The following SERGEF variants were observed in gnomAD, a reference collection of about 807,000 sequenced individuals.
SERGEF encodes secretion regulating guanine nucleotide exchange factor.
In SERGEF, 51 loss-of-function variants were observed where a neutral mutation model predicts 50.0. The observed-to-expected ratio is 1.02, with a 90% CI of 0.81 to 1.29. SERGEF has a LOEUF of 1.29. SERGEF is among the 50% of genes most tolerant of loss of function. The pLI, the probability that SERGEF is intolerant of heterozygous loss-of-function variation, is 0.00. For synonymous variants in SERGEF, 205 were observed against 212.4 expected, an observed-to-expected ratio of 0.97 and a Z score of 0.30; for missense variants, 521 against 557.0, an observed-to-expected ratio of 0.94 and a Z score of 0.65.
In SERGEF at chr11:17,910,460, G is replaced by A. The variant is rs150817590; in HGVS notation, c.1012-32216C>T. Among the ~76,000 whole-genome samples, 267 of 152,156 alleles carry A rather than the reference G, an allele frequency of 1.8e-3. 1 individual carries two copies. Among genetic ancestry groups the A allele is most frequent in the African/African-American group, 6.4e-3 (266 of 41,506 alleles). ...AGAGATGGAGTCTTGTTATGTTGTCGAGGCTGGTCTTAAATTCCTGGCTTC... is the reference window on the plus strand; with the variant it reads ...AGAGATGGAGTCTTGTTATGTTGTCAAGGCTGGTCTTAAATTCCTGGCTTC... On this transcript the variant is annotated intron_variant, in intron 9 of 10. Transcript: ENST00000265965.
In SERGEF at chr11:17,998,508, T is replaced by TTA. The variant is rs1342168950; in HGVS notation, c.508+1987_508+1988dup. ...ATATATGCATGTGTGAGTGTGTGTG[T>TTA]TATATATATATATGTTTATATGTGT... On this transcript the variant is annotated intron_variant, in intron 5 of 10. Coordinates refer to ENST00000265965, the MANE Select transcript of SERGEF (RefSeq NM_012139.4). Among the ~76,000 whole-genome samples, 267 of 86,750 alleles carry TTA rather than the reference T, an allele frequency of 3.1e-3. 5 individuals carry two copies. The highest frequency in any genetic ancestry group is 4.3e-3 in the Non-Finnish European group (197 of 45,570). The allele number at this position is 86,750 out of a possible 152,430, so 56.9% of individuals were successfully genotyped here. A position where few individuals can be genotyped will look rare whatever the true frequency, so the allele number is the denominator to read the frequency against.
At position 17,830,235 on chromosome 11, in the gene SERGEF, CATAT is replaced by C. The variant is rs1363518676; in HGVS notation, c.1049-41826_1049-41823del. Among the ~76,000 whole-genome samples the C allele has an allele frequency of 2.0e-5, 3 of 152,194 alleles. No homozygotes were observed. The East Asian group carries it at 5.8e-4, about 29-fold the overall frequency. On this transcript the variant is annotated intron_variant, in intron 10 of 10. Transcript: ENST00000265965. ...CTCAGCCTGGCATAGTGCCCTGGCA[CATAT>C]TAGGCACTCAGTGAATAATGCTGAT...
chr11:17,878,227 C>T lies in SERGEF; in HGVS notation c.1029G>A (p.Glu343=), dbSNP rs1181240894. 1 of 1,579,138 alleles carries T rather than the reference C, an allele frequency of 6.3e-7. No homozygotes were observed. The highest frequency in any genetic ancestry group is 8.7e-7 in the Non-Finnish European group (1 of 1,154,888). Residue 343 remains glutamate (E), a synonymous_variant, in exon 10 of 11, where the codon GAG becomes GAA. Coordinates refer to ENST00000265965, the MANE Select transcript of SERGEF (RefSeq NM_012139.4). The part of the protein sequence containing the change: ...TGATEVSCGS[E]HNLAIIGGVC... ...ACTTACCAATTATTGCCAAATTATGCTCTGAGCCACAAGAGACCTGTAAAA... is the reference window on the plus strand; with the variant it reads ...ACTTACCAATTATTGCCAAATTATGTTCTGAGCCACAAGAGACCTGTAAAA...
intron 9 of SERGEF, among the ~76,000 whole-genome samples, chr11:17,886,874 TG>T (rs973694120): frequency 7.9e-5 from 12 of 152,196 alleles, no homozygotes; most frequent in Non-Finnish European, 1.5e-4. Context: ...TCCTGCTTCC[TG>T]GGGCCAAACC....
intron 9 of SERGEF, among the ~76,000 whole-genome samples, chr11:17,956,691 T>G (rs1156325890): frequency 6.6e-6 from 1 of 152,010 alleles, no homozygotes; most frequent in Non-Finnish European, 1.5e-5. Context: ...ACCAGACAAT[T>G]CACTCCTCCT....
At chr11:18,007,808 T>C in intron 2 of SERGEF, 133 bp downstream of exon 2, 1 of 964,974 alleles carries the variant, frequency 1.0e-6, no homozygotes, top group Non-Finnish European at 1.5e-6. Flanking sequence ...TTTGGCTCTT[T>C]CACAAAAATG....
chr11:18,012,650 C>G (rs375597587), intron 1 of SERGEF: 1 of 1,182,452 alleles, frequency 8.5e-7, no homozygotes, highest in African/African-American at 1.6e-5. Flanking sequence ...GCTATTCGGG[C>G]TGGAGGGCTC....
intron 1 of SERGEF, chr11:18,010,233 T>C (rs1293866788): frequency 2.2e-6 from 1 of 452,456 alleles, no homozygotes; most frequent in African/African-American, 2.0e-5. Context: ...TGTAGTCTAT[T>C]TCACAGCCAT....
chr11:17,848,566 G>A (rs1850656466), intron 10 of SERGEF, among the ~76,000 whole-genome samples: 1 of 152,114 alleles, frequency 6.6e-6, no homozygotes, highest in African/African-American at 2.4e-5. Context: ...TTTTTCATAT[G>A]TGCCTTTTTG....
At chr11:17,816,814 G>T (rs778908850) in intron 10 of SERGEF, among the ~76,000 whole-genome samples, 7 of 152,176 alleles carry the variant, frequency 4.6e-5, no homozygotes, top group Non-Finnish European at 8.8e-5. Context: ...TTCATTTCTG[G>T]GTTCTGGTCT....
At chr11:17,922,682 T>C (rs946763417) in intron 9 of SERGEF, among the ~76,000 whole-genome samples, 9 of 152,178 alleles carry the variant, frequency 5.9e-5, no homozygotes, top group Non-Finnish European at 1.3e-4. Flanking sequence ...GAATCATACC[T>C]GGCTTCAAAT....
At chr11:17,993,638 T>C (rs1048657905) in intron 6 of SERGEF, among the ~76,000 whole-genome samples, 4 of 152,186 alleles carry the variant, frequency 2.6e-5, no homozygotes, top group Non-Finnish European at 5.9e-5. Context: ...AGACGCAGAC[T>C]TATTCTGTAA....
chr11:17,899,120 C>T (rs1208366715), intron 9 of SERGEF, among the ~76,000 whole-genome samples: 2 of 152,144 alleles, frequency 1.3e-5, no homozygotes, highest in African/African-American at 4.8e-5. Flanking sequence ...CCACTATGCT[C>T]CCTGTACAGC....
intron 9 of SERGEF, among the ~76,000 whole-genome samples, chr11:17,949,421 G>A (rs1474393373): frequency 6.6e-6 from 1 of 151,966 alleles, no homozygotes; most frequent in Non-Finnish European, 1.5e-5. Context: ...CCAAGGAACA[G>A]CAACCCTTGG....
intron 10 of SERGEF, among the ~76,000 whole-genome samples, chr11:17,848,085 A>G (rs1260655194): frequency 3.3e-5 from 5 of 152,272 alleles, no homozygotes; most frequent in Non-Finnish European, 7.3e-5. Flanking sequence ...TTGAGTGATT[A>G]TTAAATGCCA....
chr11:17,929,473 A>G (rs1160316594), intron 9 of SERGEF, among the ~76,000 whole-genome samples: 1 of 152,218 alleles, frequency 6.6e-6, no homozygotes, highest in East Asian at 1.9e-4. Context: ...GAAAGACAAG[A>G]GGAGCTGGAG....
At chr11:17,870,043 T>A (rs1475296359) in intron 10 of SERGEF, among the ~76,000 whole-genome samples, 1 of 152,190 alleles carries the variant, frequency 6.6e-6, no homozygotes, top group African/African-American at 2.4e-5. Flanking sequence ...GCTGTTCTTG[T>A]GATAGTGAGT....
At chr11:17,851,271 G>A (rs1254288796) in intron 10 of SERGEF, among the ~76,000 whole-genome samples, 1 of 152,166 alleles carries the variant, frequency 6.6e-6, no homozygotes, top group East Asian at 1.9e-4. Flanking sequence ...TTTGTACCAG[G>A]TCATATAACT....
Position 17,991,234 on chromosome 11 carries a change from T to C in SERGEF, c.685+1697A>G, listed in dbSNP as rs1853706508. ...ACTTTAAAAGAAATTTAATTTCTTA[T>C]ATTTAAAATACATCTTAATTAAAAT... On this transcript the variant is annotated intron_variant, in intron 7 of 10. Transcript: ENST00000265965. This position sits in a 1 kb window ranked among gnomAD's most constrained non-coding sequence, Gnocchi z 4.9. Among the ~76,000 whole-genome samples the C allele has an allele frequency of 6.6e-6, 1 of 152,200 alleles. No individual in the cohort carries two copies. Among genetic ancestry groups the C allele is most frequent in the Admixed American group, 6.5e-5 (1 of 15,288 alleles).
Sources: gnomAD v4.1 joint callset for allele counts (sites outside exome capture counted in the v4.1 genomes callset) on GRCh38, gnomAD v4.1.1 for gene constraint, Gnocchi (gnomAD v3.1) non-coding constraint, MANE v1.5 for transcripts, NCBI Gene and HGNC (gene_info 2026-07-23, HGNC 2026-07-21) for gene names.